Variants in LRGUK observed in about 807,000 individuals in gnomAD.
LRGUK encodes leucine rich repeats and guanylate kinase domain containing.
Under a neutral mutation model 76.0 loss-of-function variants are expected in LRGUK, and 65 were observed. That is an observed-to-expected ratio of 0.85 (90% CI 0.70 to 1.05). The LOEUF (loss-of-function observed/expected upper bound fraction) is 1.05, where lower values mean the gene tolerates loss of function less well. Ranked by LOEUF, LRGUK falls within the 50% of genes least tolerant of loss-of-function variation. The pLI, the probability that LRGUK is intolerant of heterozygous loss-of-function variation, is 0.00. For missense variants in LRGUK, 758 were observed against 732.8 expected, an observed-to-expected ratio of 1.03 and a Z score of -0.40; for synonymous variants, 268 against 265.6, an observed-to-expected ratio of 1.01 and a Z score of -0.09.
At chr7:134,270,624 C>T in the LRGUK span, among the ~76,000 whole-genome samples, 39 of 152,138 alleles carry the variant, frequency 2.6e-4, 1 homozygote, top group African/African-American at 7.7e-4. Flanking sequence ...GTCAAAACTT[C>T]GTGTTATATT....
chr7:134,142,659 T>G (rs2116844869), intron 3 of LRGUK, among the ~76,000 whole-genome samples: 1 of 152,384 alleles, frequency 6.6e-6, no homozygotes, highest in South Asian at 2.1e-4. Context: ...TCTAATTTAG[T>G]TATTTAGGGG....
Position 134,183,933 on chromosome 7 carries a change from C to T in LRGUK, c.1334+80C>T, listed in dbSNP as rs189290314. ...GTATCAATAGTTGTAGTAAAATCTC[C>T]GATATTGCTAATGTTGGCTATTAAT... is the stretch of plus-strand genomic sequence containing the variant. On this transcript the variant is annotated intron_variant, in intron 11 of 15. Coordinates refer to ENST00000645682, the Ensembl canonical transcript of LRGUK. 399 of 1,506,406 alleles carry T rather than the reference C, an allele frequency of 2.6e-4. 2 individuals are homozygous for T. The highest frequency in any genetic ancestry group is 9.2e-4 in the African/African-American group (66 of 72,108). The allele number at this position is 1,506,406 out of a possible 1,614,324, so 93.3% of individuals were successfully genotyped here.
chr7:134,202,536 C>T (rs1245664391), intron 15 of LRGUK, among the ~76,000 whole-genome samples: 1 of 152,148 alleles, frequency 6.6e-6, no homozygotes, highest in Non-Finnish European at 1.5e-5. Context: ...GAGAGCTGCA[C>T]ACCCATGTTT....
chr7:134,261,866 A>C lies in LRGUK; in HGVS notation c.2348-1979A>C, dbSNP rs1413731114. Among the ~76,000 whole-genome samples, 5 of 152,162 alleles carry C rather than the reference A, an allele frequency of 3.3e-5. No individual in the cohort carries two copies. In the East Asian group the frequency reaches 9.6e-4, roughly 29 times the overall value. On this transcript the variant is annotated intron_variant, in intron 19 of 19. Coordinates refer to the LRGUK transcript ENST00000285928. ...TGGGTACAGGATGGGTTCCAATAAA[A>C]TTTTATTTACAAATTAAATAAAATT...
At chr7:134,215,045 A>C (rs1399243792), downstream of LRGUK, among the ~76,000 whole-genome samples, 2 of 151,868 alleles carry the variant, frequency 1.3e-5, no homozygotes, top group Non-Finnish European at 2.9e-5. Flanking sequence ...ACTGCAGCTG[A>C]CTCCATTTGC....
Position 134,174,568 on chromosome 7 carries a change from A to G in LRGUK, c.952A>G (p.Arg318Gly), listed in dbSNP as rs368914778. The G allele has an allele frequency of 8.1e-6, 13 of 1,604,100 alleles. No homozygotes were observed. The African/African-American group carries it at 1.5e-4, about 18-fold the overall frequency. Reference sequence around the variant, plus strand: ...TTTGATTGAACAGATTGCTGAGCTGAGAGAAATAGAATACATTAAAAATTT... The same window carrying G: ...TTTGATTGAACAGATTGCTGAGCTGGGAGAAATAGAATACATTAAAAATTT... Residue 318 changes from arginine to glycine, a missense_variant, in exon 8 of 16, where the codon AGA becomes GGA. Transcript: ENST00000645682.
intron 16 of LRGUK, among the ~76,000 whole-genome samples, chr7:134,246,681 A>G (rs2544173): frequency 0.072 from 10,991 of 152,298 alleles, 974 homozygotes; most frequent in African/African-American, 0.2. Flanking sequence ...GGCTTATTTC[A>G]GATTAAGTTA....
chr7:134,204,669 C>T (rs1164740956), intron 15 of LRGUK, among the ~76,000 whole-genome samples: 1 of 152,134 alleles, frequency 6.6e-6, no homozygotes, highest in Non-Finnish European at 1.5e-5. Flanking sequence ...TAAACTTGCA[C>T]ATTGTAGAGG....
intron 1 of LRGUK, among the ~76,000 whole-genome samples, chr7:134,135,050 T>C (rs530988330): frequency 5.1e-4 from 77 of 152,300 alleles, no homozygotes; most frequent in African/African-American, 1.4e-3. Flanking sequence ...AGAAAAGGTA[T>C]TATACATGTA....
At chr7:134,231,892 C>T (rs1801908249) in intron 16 of LRGUK, among the ~76,000 whole-genome samples, 1 of 151,036 alleles carries the variant, frequency 6.6e-6, no homozygotes, top group African/African-American at 2.4e-5. Flanking sequence ...TCCTCTCTTC[C>T]TCCCTGCTTC....
rs1315023023 is a variant in LRGUK at position 134,127,541 on chromosome 7, C to CT, written c.175dup (p.Ser59PhefsTer20). 1 of 1,614,226 alleles carries CT rather than the reference C, an allele frequency of 6.2e-7. No individual in the cohort carries two copies. Among genetic ancestry groups the CT allele is most frequent in the East Asian group, 2.2e-5 (1 of 44,872 alleles). The stretch of plus-strand genomic sequence containing the variant: ...CGAAAGGCAGCTCTAACATAGCCTC[C>CT]TCCTACCTGCTCCAGCAGCTCATGC... On this transcript the variant is annotated frameshift_variant, in exon 1 of 16. Transcript: ENST00000645682. LOFTEE classifies it high-confidence loss of function.
downstream of LRGUK, among the ~76,000 whole-genome samples, chr7:134,264,954 C>G (rs568531868): frequency 6.6e-6 from 1 of 152,194 alleles, no homozygotes; most frequent in East Asian, 1.9e-4. Flanking sequence ...AATCCTCTTC[C>G]CTGTGACAAA....
chr7:134,179,124 G>A (rs1799629744), intron 10 of LRGUK, among the ~76,000 whole-genome samples: 1 of 152,080 alleles, frequency 6.6e-6, no homozygotes, highest in Non-Finnish European at 1.5e-5. Context: ...AGGAAGCCCA[G>A]CTAGCCTAAG....
At chr7:134,139,547 T>G (rs761376987) in intron 3 of LRGUK, 30 bp downstream of exon 3, 1 of 1,395,642 alleles carries the variant, frequency 7.2e-7, no homozygotes, top group South Asian at 1.2e-5. Context: ...GATTGATCAC[T>G]GAATTATCTG....
chr7:134,238,186 T>C (rs1563196048), intron 16 of LRGUK, among the ~76,000 whole-genome samples: 1 of 152,176 alleles, frequency 6.6e-6, no homozygotes, highest in Non-Finnish European at 1.5e-5. Flanking sequence ...CTGCTCTAGT[T>C]TTTTGTTGTC....
chr7:134,178,553 A>G, exon 10 of LRGUK: 1 of 1,613,464 alleles, frequency 6.2e-7, no homozygotes, highest in Non-Finnish European at 8.5e-7. Context: ...TTGCAGCTCA[A>G]GACCACCTGA....
At chr7:134,250,262 T>C (rs1802412353) in intron 18 of LRGUK, among the ~76,000 whole-genome samples, 1 of 152,174 alleles carries the variant, frequency 6.6e-6, no homozygotes, top group African/African-American at 2.4e-5. Flanking sequence ...ATATATATTT[T>C]ATTTCTGTAT....
chr7:134,272,116 A>G, the LRGUK span, among the ~76,000 whole-genome samples: 1 of 152,070 alleles, frequency 6.6e-6, no homozygotes, highest in African/African-American at 2.4e-5. Flanking sequence ...CTAATGCTTC[A>G]CTATTCAGTG....
chr7:134,187,593 G>A (rs769245579), intron 11 of LRGUK, among the ~76,000 whole-genome samples: 4 of 152,170 alleles, frequency 2.6e-5, no homozygotes, highest in Non-Finnish European at 5.9e-5. Flanking sequence ...TTTACTATTT[G>A]TTCTTGGTTT....
Sources: gnomAD v4.1 joint callset for allele counts (sites outside exome capture counted in the v4.1 genomes callset) on GRCh38, gnomAD v4.1.1 for gene constraint, MANE v1.5 for transcripts, NCBI Gene and HGNC (gene_info 2026-07-23, HGNC 2026-07-21) for gene names.